Variants in CAMK4 observed in about 807,000 individuals in gnomAD.
The protein encoded by CAMK4 is calcium/calmodulin-dependent protein kinase type IV.
CAMK4 carries 22 observed loss-of-function variants against 44.9 expected under a neutral mutation model. The ratio of observed to expected loss-of-function variants is 0.49; its 90% CI spans 0.35 to 0.70. The LOEUF is 0.70. CAMK4 is among the 30% of genes least tolerant of loss of function. The probability of loss-of-function intolerance (pLI) is 0.01; values close to 1 mark genes in which losing one functional copy is unlikely to be tolerated. For missense variants in CAMK4, 498 were observed against 586.8 expected (o/e 0.85, Z 1.56); for synonymous variants, 218 against 215.4 (o/e 1.01, Z -0.11).
chr5:111,486,412 T>C lies in CAMK4; in HGVS notation c.*1946T>C, dbSNP rs1041274630. Reference sequence around the variant, plus strand: ...TCCATTATAAGGGGCTCGCTATTTTTAACCTTTAAGAATGTCTTCTTTGTT... The same window carrying C: ...TCCATTATAAGGGGCTCGCTATTTTCAACCTTTAAGAATGTCTTCTTTGTT... On this transcript the variant is annotated 3_prime_UTR_variant, in exon 11 of 11. Coordinates refer to ENST00000282356, the MANE Select transcript of CAMK4 (RefSeq NM_001744.6). 2 of 152,020 alleles carry C rather than the reference T, an allele frequency of 1.3e-5. No homozygotes were observed. Among genetic ancestry groups the C allele is most frequent in the African/African-American group, 4.8e-5 (2 of 41,374 alleles). The allele number at this position is 152,020 out of a possible 1,614,324, so 9.4% of individuals were successfully genotyped here. A position where few individuals can be genotyped will look rare whatever the true frequency, so the allele number is the denominator to read the frequency against.
At chr5:111,336,526 C>T (rs1290695520) in intron 1 of CAMK4, among the ~76,000 whole-genome samples, 1 of 150,714 alleles carries the variant, frequency 6.6e-6, no homozygotes, top group African/African-American at 2.4e-5. Context: ...ATAAGTTCTT[C>T]TTTTAGCTTA....
chr5:111,329,222 G>T (rs1319031820), intron 1 of CAMK4, among the ~76,000 whole-genome samples: 1 of 151,892 alleles, frequency 6.6e-6, no homozygotes, highest in Non-Finnish European at 1.5e-5. Context: ...TTGATGGGAT[G>T]TATCTCAAAA....
At chr5:111,283,994 G>C (rs139757130) in intron 1 of CAMK4, among the ~76,000 whole-genome samples, 2 of 152,186 alleles carry the variant, frequency 1.3e-5, no homozygotes, top group Non-Finnish European at 2.9e-5. Flanking sequence ...TAATTTGTGA[G>C]GCTTTCATAA....
At chr5:111,242,736 C>A (rs1352272589) in intron 1 of CAMK4, among the ~76,000 whole-genome samples, 2 of 152,164 alleles carry the variant, frequency 1.3e-5, no homozygotes. Flanking sequence ...TGGGCTCCAG[C>A]CCTACAGCTA....
chr5:111,492,294 CTAAA>C lies in CAMK4; in HGVS notation c.*7832_*7835del, dbSNP rs1442319852. ...ATTAGGAGTACCTAAAATTATAACTCTAAATAATATACAGCAATATTATTGCTCT... is the reference window on the plus strand; with the variant it reads ...ATTAGGAGTACCTAAAATTATAACTCTAATATACAGCAATATTATTGCTCT... On this transcript the variant is annotated 3_prime_UTR_variant, in exon 11 of 11. Transcript: ENST00000282356. The C allele has an allele frequency of 9.2e-5, 14 of 152,064 alleles. No individual in the cohort carries two copies. The highest frequency in any genetic ancestry group is 1.6e-4 in the Non-Finnish European group (11 of 68,018). 9.4% of individuals were successfully genotyped at this position (152,064 alleles called of 1,614,324 possible).
chr5:111,395,230 A>AAAAAAAG (rs1751959788), intron 5 of CAMK4, among the ~76,000 whole-genome samples: 5 of 106,438 alleles, frequency 4.7e-5, no homozygotes, highest in African/African-American at 3.6e-5. Context: ...AAAAAAAAGA[A>AAAAAAAG]AAAAAAAAAG....
chr5:111,279,079 A>G (rs2112599309), intron 1 of CAMK4, among the ~76,000 whole-genome samples: 1 of 152,336 alleles, frequency 6.6e-6, no homozygotes, highest in South Asian at 2.1e-4. Context: ...TTTGCAACAC[A>G]GGGCCTGCTC....
intron 7 of CAMK4, among the ~76,000 whole-genome samples, chr5:111,467,934 TCACACACACACACACACACACA>T (rs60254627): frequency 7.0e-6 from 1 of 143,460 alleles, no homozygotes; most frequent in African/African-American, 2.6e-5. Context: ...AAAGAAATTG[TCACACACACACACACACACACA>T]CACACACACA....
chr5:111,339,504 T>G (rs1749550483), intron 1 of CAMK4, among the ~76,000 whole-genome samples: 1 of 151,456 alleles, frequency 6.6e-6, no homozygotes, highest in African/African-American at 2.4e-5. Flanking sequence ...CATTATGTGT[T>G]CTTGGCATCT....
intron 5 of CAMK4, among the ~76,000 whole-genome samples, chr5:111,413,296 TG>T (rs2112899244): frequency 6.6e-6 from 1 of 152,318 alleles, no homozygotes; most frequent in South Asian, 2.1e-4. Flanking sequence ...ATTATGGAGC[TG>T]CCCGGGTGCA....
intron 7 of CAMK4, among the ~76,000 whole-genome samples, chr5:111,458,833 C>T (rs1754533367): frequency 6.6e-6 from 1 of 152,072 alleles, no homozygotes; most frequent in Non-Finnish European, 1.5e-5. Context: ...CACCAGGTGT[C>T]TTTAAAGTCC....
rs1204010998 is a variant in CAMK4, at chr5:111,420,548, A to C, written c.459+25766A>C. On this transcript the variant is annotated intron_variant, in intron 5 of 10. Transcript: ENST00000282356. ...GAGAGCAACTGGTCTGACCAAAATT[A>C]TTAGGTGGGAATTTCCTCTTCCTAA... Among the ~76,000 whole-genome samples, 4 of 152,214 alleles carry C rather than the reference A, an allele frequency of 2.6e-5. No individual in the cohort carries two copies. The South Asian group carries it at 6.2e-4, about 24-fold the overall frequency.
intron 5 of CAMK4, among the ~76,000 whole-genome samples, chr5:111,413,651 T>C (rs749926724): frequency 1.3e-5 from 2 of 151,912 alleles, no homozygotes; most frequent in Non-Finnish European, 2.9e-5. Context: ...CAACGAATTT[T>C]GAAATAGAAA....
At chr5:111,276,386 C>T (rs1425280041) in intron 1 of CAMK4, among the ~76,000 whole-genome samples, 2 of 152,094 alleles carry the variant, frequency 1.3e-5, no homozygotes, top group African/African-American at 2.4e-5. Context: ...GGCTGTTCGC[C>T]ACTGTTTTTA....
chr5:111,438,743 C>T (rs1438902207), intron 5 of CAMK4, among the ~76,000 whole-genome samples: 5 of 152,108 alleles, frequency 3.3e-5, no homozygotes, highest in East Asian at 3.9e-4. Flanking sequence ...TTTATTCATA[C>T]ACTTAACAAA....
intron 1 of CAMK4, among the ~76,000 whole-genome samples, chr5:111,280,537 A>G (rs976561693): frequency 1.3e-5 from 2 of 152,236 alleles, no homozygotes; most frequent in Non-Finnish European, 2.9e-5. Context: ...TGCAGATGAT[A>G]AAGAACTTGG....
chr5:111,427,718 A>G (rs904035285), intron 5 of CAMK4, among the ~76,000 whole-genome samples: 1 of 152,318 alleles, frequency 6.6e-6, no homozygotes, highest in African/African-American at 2.4e-5. Flanking sequence ...CTCAGCTGCA[A>G]TACAACAGAA....
At chr5:111,334,532 T>A (rs1190981661) in intron 1 of CAMK4, among the ~76,000 whole-genome samples, 1 of 151,544 alleles carries the variant, frequency 6.6e-6, no homozygotes, top group Admixed American at 6.6e-5. Context: ...CTTTCACCCC[T>A]AAGAAGAATC....
At chr5:111,449,616 C>T (rs1044862855) in intron 7 of CAMK4, 1 of 152,974 alleles carries the variant, frequency 6.5e-6, no homozygotes, top group Non-Finnish European at 1.5e-5. Context: ...ATGGGGTGGT[C>T]CCTAGTTCTT....
Sources: gnomAD v4.1 joint callset for allele counts (sites outside exome capture counted in the v4.1 genomes callset) on GRCh38, gnomAD v4.1.1 for gene constraint, MANE v1.5 for transcripts, NCBI Gene and HGNC (gene_info 2026-07-23, HGNC 2026-07-21) for gene names.